The following ENTREP2 variants were observed in gnomAD, a reference collection of about 807,000 sequenced individuals.
ENTREP2 encodes protein ENTREP2.
chr15:29,592,312 G>T, the ENTREP2 span, among the ~76,000 whole-genome samples: 2 of 152,180 alleles, frequency 1.3e-5, no homozygotes, highest in Admixed American at 6.5e-5. Context: ...GAGACAAGGG[G>T]CCTGTCTTTG....
chr15:29,605,658 G>A, the ENTREP2 span, among the ~76,000 whole-genome samples: 1 of 151,994 alleles, frequency 6.6e-6, no homozygotes, highest in African/African-American at 2.4e-5. Flanking sequence ...CCAACATGGT[G>A]AAACCCTGTC....
the ENTREP2 span, among the ~76,000 whole-genome samples, chr15:29,431,465 A>G: frequency 6.6e-6 from 1 of 151,914 alleles, no homozygotes; most frequent in Admixed American, 6.5e-5. Context: ...TATTTAAATT[A>G]ATTAAAAATA....
the ENTREP2 span, chr15:29,269,552 G>A: frequency 1.3e-5 from 19 of 1,514,106 alleles, no homozygotes; most frequent in Non-Finnish European, 1.6e-5. Context: ...CCCGGCCCGC[G>A]GGACGTGCTC....
At chr15:29,368,378 A>G in the ENTREP2 span, among the ~76,000 whole-genome samples, 1 of 151,672 alleles carries the variant, frequency 6.6e-6, no homozygotes, top group African/African-American at 2.4e-5. Context: ...CATCTCATAC[A>G]CACACATATA....
At chr15:29,341,953 G>C in the ENTREP2 span, among the ~76,000 whole-genome samples, 1 of 152,160 alleles carries the variant, frequency 6.6e-6, no homozygotes, top group Non-Finnish European at 1.5e-5. Context: ...AAAGCTTTCA[G>C]ACGACTTTTT....
chr15:29,534,182 G>A, the ENTREP2 span, among the ~76,000 whole-genome samples: 3 of 147,252 alleles, frequency 2.0e-5, no homozygotes, highest in Non-Finnish European at 4.5e-5. Flanking sequence ...GGAGCTCACC[G>A]GAACGTGGGA....
the ENTREP2 span, among the ~76,000 whole-genome samples, chr15:29,420,169 G>A: frequency 1.3e-5 from 2 of 152,228 alleles, no homozygotes; most frequent in Non-Finnish European, 2.9e-5. Flanking sequence ...ACCTCTGGAA[G>A]TGGGGCTAAT....
At chr15:29,129,965 A>AG in the ENTREP2 span, among the ~76,000 whole-genome samples, 20 of 152,270 alleles carry the variant, frequency 1.3e-4, no homozygotes, top group Middle Eastern at 3.4e-3. Context: ...TGGGAAGGTG[A>AG]GGGGGGCTCC....
At chr15:29,674,523 C>T in the ENTREP2 span, among the ~76,000 whole-genome samples, 1 of 152,154 alleles carries the variant, frequency 6.6e-6, no homozygotes, top group African/African-American at 2.4e-5. Context: ...CCGCCTCGGC[C>T]TCCCAAAGTG....
At chr15:29,338,487 G>A in the ENTREP2 span, among the ~76,000 whole-genome samples, 1 of 151,698 alleles carries the variant, frequency 6.6e-6, no homozygotes, top group Non-Finnish European at 1.5e-5. Context: ...GCCACGTGGA[G>A]AGGTCAGCCC....
chr15:29,596,266 T>A, the ENTREP2 span, among the ~76,000 whole-genome samples: 9 of 152,346 alleles, frequency 5.9e-5, no homozygotes, highest in South Asian at 1.7e-3. Flanking sequence ...ACCATCTGCA[T>A]CTATATTGAG....
the ENTREP2 span, among the ~76,000 whole-genome samples, chr15:29,603,729 C>T: frequency 2.7e-3 from 408 of 152,212 alleles, no homozygotes; most frequent in Non-Finnish European, 4.8e-3. Flanking sequence ...ACCTCCGCCG[C>T]CCGGGTTCAA....
chr15:29,600,998 C>A, the ENTREP2 span, among the ~76,000 whole-genome samples: 1 of 147,062 alleles, frequency 6.8e-6, no homozygotes, highest in Non-Finnish European at 1.5e-5. Flanking sequence ...CCCGGGTTCA[C>A]GCCATTCTCC....
the ENTREP2 span, among the ~76,000 whole-genome samples, chr15:29,170,131 C>T: frequency 1.1e-4 from 17 of 151,324 alleles, no homozygotes; most frequent in Admixed American, 7.9e-4. Flanking sequence ...CATGGTGAAA[C>T]CCCCATCTCT....
chr15:29,626,039 G>C, the ENTREP2 span, among the ~76,000 whole-genome samples: 4 of 152,036 alleles, frequency 2.6e-5, no homozygotes, highest in Non-Finnish European at 2.9e-5. Flanking sequence ...GTAGAGACAG[G>C]GTTTCGCCAT....
the ENTREP2 span, among the ~76,000 whole-genome samples, chr15:29,419,545 G>C: frequency 2.0e-5 from 3 of 152,134 alleles, no homozygotes; most frequent in African/African-American, 7.2e-5. Flanking sequence ...AAAGAGAACA[G>C]GGTAGAAGAA....
At chr15:29,264,836 C>T in the ENTREP2 span, among the ~76,000 whole-genome samples, 2 of 151,886 alleles carry the variant, frequency 1.3e-5, no homozygotes, top group African/African-American at 4.8e-5. Flanking sequence ...TAAAGACTAA[C>T]CCCCCCTTAT....
chr15:29,656,479 A>G, the ENTREP2 span, among the ~76,000 whole-genome samples: 1 of 152,200 alleles, frequency 6.6e-6, no homozygotes. Flanking sequence ...TGCCTGCCTC[A>G]GCCTCCCAAA....
the ENTREP2 span, among the ~76,000 whole-genome samples, chr15:29,386,468 C>T: frequency 2.6e-5 from 4 of 152,216 alleles, no homozygotes; most frequent in Non-Finnish European, 5.9e-5. Flanking sequence ...CCGGTTTCAA[C>T]TCTACTAAGC....
Sources: allele counts gnomAD v4.1 joint callset (sites outside exome capture counted in the v4.1 genomes callset), GRCh38; gene constraint gnomAD v4.1.1; transcripts MANE v1.5; gene names NCBI Gene and HGNC (gene_info 2026-07-23, HGNC 2026-07-21).